NBEA: variants seen among roughly 807,000 people sequenced by gnomAD.
NBEA encodes neurobeachin.
Under a neutral mutation model 343.4 loss-of-function variants are expected in NBEA, and 44 were observed. The ratio of observed to expected loss-of-function variants is 0.13; its 90% CI spans 0.10 to 0.16. NBEA has a LOEUF of 0.16. Ranked by LOEUF, NBEA falls within the 10% of genes least tolerant of loss-of-function variation. The probability of loss-of-function intolerance (pLI) is 1.00; values close to 1 mark genes in which losing one functional copy is unlikely to be tolerated. For synonymous variants in NBEA, 1,175 were observed against 1,238.7 expected, an observed-to-expected ratio of 0.95 and a Z score of 1.08; for missense variants, 2,555 against 3,631.3, an observed-to-expected ratio of 0.70 and a Z score of 7.62.
chr13:35,393,236 C>T (rs796352080), intron 38 of NBEA, among the ~76,000 whole-genome samples: 8 of 152,206 alleles, frequency 5.3e-5, no homozygotes, highest in African/African-American at 1.9e-4. Context: ...CCTCTCAAAA[C>T]ACATTTTAGC....
At chr13:34,995,933 C>G (rs958267563) in intron 1 of NBEA, among the ~76,000 whole-genome samples, 3 of 152,200 alleles carry the variant, frequency 2.0e-5, no homozygotes, top group African/African-American at 7.2e-5. Flanking sequence ...GGACGTGAGC[C>G]TTTAGATATT....
rs571284071 is a variant in NBEA, at chr13:35,636,604, C to T, written c.7617+8356C>T. ...TTCTCTCTCGTTCCTGCTCCTACAC[C>T]ACCACCTCCCCCTCAACTTGTTTTC... On this transcript the variant is annotated intron_variant, in intron 49 of 58. Coordinates refer to ENST00000379939, the MANE Select transcript of NBEA (RefSeq NM_001385012.1). Among the ~76,000 whole-genome samples the T allele has an allele frequency of 1.6e-3, 251 of 152,294 alleles. 1 individual carries two copies. The highest frequency in any genetic ancestry group is 3.0e-3 in the Non-Finnish European group (206 of 68,018).
chr13:35,443,854 T>A (rs1166031486), intron 39 of NBEA, among the ~76,000 whole-genome samples: 2 of 151,894 alleles, frequency 1.3e-5, no homozygotes, highest in Admixed American at 6.6e-5. Context: ...TTCTCCTTTT[T>A]AAAAAAATGC....
intron 17 of NBEA, among the ~76,000 whole-genome samples, chr13:35,139,361 A>G (rs1205304221): frequency 1.3e-5 from 2 of 152,144 alleles, no homozygotes; most frequent in African/African-American, 2.4e-5. Context: ...ACACCCAGCA[A>G]TAAGAAGTAT....
chr13:35,129,621 A>G (rs1456879524), intron 17 of NBEA, among the ~76,000 whole-genome samples: 1 of 152,030 alleles, frequency 6.6e-6, no homozygotes, highest in Non-Finnish European at 1.5e-5. Context: ...ACATTAAGAG[A>G]GGGGGAAAAA....
At chr13:34,946,987 T>C (rs2059205614) in intron 1 of NBEA, among the ~76,000 whole-genome samples, 1 of 151,912 alleles carries the variant, frequency 6.6e-6, no homozygotes, top group Non-Finnish European at 1.5e-5. Flanking sequence ...ATTTGAATTA[T>C]ATTTATTTAA....
intron 49 of NBEA, among the ~76,000 whole-genome samples, chr13:35,644,196 A>G (rs2084106029): frequency 6.6e-6 from 1 of 152,188 alleles, no homozygotes; most frequent in Non-Finnish European, 1.5e-5. Flanking sequence ...TATAGTCTCA[A>G]AAGAAATAAA....
chr13:35,123,168 G>T (rs920906653), intron 16 of NBEA, among the ~76,000 whole-genome samples: 3 of 152,120 alleles, frequency 2.0e-5, no homozygotes, highest in Admixed American at 6.5e-5. Flanking sequence ...AGAAAATAGG[G>T]TTATCAAGTT....
chr13:35,426,106 G>T lies in NBEA; in HGVS notation c.6180-6163G>T, dbSNP rs559976852. On this transcript the variant is annotated intron_variant, in intron 38 of 58. Transcript: ENST00000379939. ...TGGGTCTTGACTCTTTATCCAATTT[G>T]CCAGTCTGTTTCTTTTAATTGGAGC... Among the ~76,000 whole-genome samples the T allele has an allele frequency of 2.0e-5, 3 of 152,222 alleles. No homozygotes were observed. In the South Asian group the frequency reaches 6.2e-4, roughly 32 times the overall value.
At chr13:35,510,372 T>C (rs1295668471) in intron 41 of NBEA, among the ~76,000 whole-genome samples, 1 of 152,204 alleles carries the variant, frequency 6.6e-6, no homozygotes, top group Non-Finnish European at 1.5e-5. Context: ...ATCCATGACA[T>C]GAAAATAATA....
chr13:35,308,931 A>C (rs754573996), intron 35 of NBEA, among the ~76,000 whole-genome samples: 4 of 151,750 alleles, frequency 2.6e-5, no homozygotes, highest in Non-Finnish European at 5.9e-5. Flanking sequence ...CAGAGATTAC[A>C]TAGTTATCTA....
intron 1 of NBEA, among the ~76,000 whole-genome samples, chr13:34,967,798 T>C (rs1479806503): frequency 2.0e-5 from 3 of 152,080 alleles, no homozygotes; most frequent in Admixed American, 2.0e-4. Flanking sequence ...ACCAATTCTC[T>C]GGCACTAATT....
At chr13:35,506,351 G>A (rs932207954) in intron 41 of NBEA, among the ~76,000 whole-genome samples, 4 of 152,166 alleles carry the variant, frequency 2.6e-5, no homozygotes, top group Non-Finnish European at 5.9e-5. Context: ...TTACAAGCGT[G>A]AGCCACCTCA....
chr13:35,537,586 G>T (rs1385364503), intron 41 of NBEA, among the ~76,000 whole-genome samples: 1 of 152,090 alleles, frequency 6.6e-6, no homozygotes, highest in Non-Finnish European at 1.5e-5. Context: ...TGTCTCATAG[G>T]TGCTATGAGA....
chr13:35,564,921 C>A (rs1566329418), intron 44 of NBEA, among the ~76,000 whole-genome samples: 1 of 152,184 alleles, frequency 6.6e-6, no homozygotes, highest in African/African-American at 2.4e-5. Context: ...CATATCCATT[C>A]CATCAACAAA....
chr13:35,289,668 T>A (rs2035671660), intron 34 of NBEA, among the ~76,000 whole-genome samples: 1 of 151,938 alleles, frequency 6.6e-6, no homozygotes, highest in Non-Finnish European at 1.5e-5. Context: ...CAGAGTATAA[T>A]GATAATTAAA....
chr13:35,653,328 C>CTTTTTTTTTTTTTTTTTTTTTTTTGTT (rs139682136), intron 53 of NBEA, among the ~76,000 whole-genome samples: 1 of 114,034 alleles, frequency 8.8e-6, no homozygotes, highest in Non-Finnish European at 1.8e-5. Context: ...TTCTTGGGTT[C>CTTTTTTTTTTTTTTTTTTTTTTTTGTT]TTTTTTTTTT....
chr13:35,501,415 A>G (rs2076883379), intron 41 of NBEA, among the ~76,000 whole-genome samples: 1 of 152,144 alleles, frequency 6.6e-6, no homozygotes, highest in Non-Finnish European at 1.5e-5. Context: ...TCATTGTGAT[A>G]TATATGACTG....
chr13:34,962,265 T>C (rs749542566), intron 1 of NBEA, among the ~76,000 whole-genome samples: 5 of 152,068 alleles, frequency 3.3e-5, no homozygotes, highest in Non-Finnish European at 7.4e-5. Context: ...TTTCTCTCTA[T>C]GTGTGCATAT....
Sources: allele counts gnomAD v4.1 joint callset (sites outside exome capture counted in the v4.1 genomes callset), GRCh38; gene constraint gnomAD v4.1.1; transcripts MANE v1.5; gene names NCBI Gene and HGNC (gene_info 2026-07-23, HGNC 2026-07-21).